MEGF11: variants seen among roughly 807,000 people sequenced by gnomAD.
MEGF11 encodes multiple epidermal growth factor-like domains protein 11.
A neutral mutation model predicts 146.6 loss-of-function variants in MEGF11; 126 were observed. That is an observed-to-expected ratio of 0.86 (90% CI 0.74 to 1.00). MEGF11 has a LOEUF of 1.00. Ranked by LOEUF, MEGF11 falls within the 50% of genes least tolerant of loss-of-function variation. MEGF11 has a pLI of 0.00. For missense variants in MEGF11, 1,509 were observed against 1,521.2 expected (o/e 0.99, Z 0.13); for synonymous variants, 532 against 583.4 (o/e 0.91, Z 1.27).
intron 5 of MEGF11, among the ~76,000 whole-genome samples, chr15:66,045,055 G>A (rs182375494): frequency 1.3e-5 from 2 of 152,170 alleles, no homozygotes; most frequent in East Asian, 3.9e-4. Flanking sequence ...GATAGTCTGG[G>A]TCCTGCTGCT....
rs2141299098 is a variant in MEGF11 at position 65,929,869 on chromosome 15, C to T, written c.1423G>A (p.Asp475Asn). The change falls in exon 12 of 26, where the codon GAC becomes AAC. Residue 475 changes from aspartate (D) to asparagine (N), a missense_variant. Coordinates refer to ENST00000395614, the MANE Select transcript of MEGF11 (RefSeq NM_001385028.1). ...CCACTGGGACATGGCAGGGTGCAGTCCAGGCCCTGCCACCCTGAGGGGAGG... is the reference window on the plus strand; with the variant it reads ...CCACTGGGACATGGCAGGGTGCAGTTCAGGCCCTGCCACCCTGAGGGGAGG... Reference protein sequence around the residue: ...CTCKEGWQGLDCTLPCPSGTW... With the variant: ...CTCKEGWQGLNCTLPCPSGTW... 1.3e-6 allele frequency: 2 copies of T among 1,597,550 alleles called. No homozygotes were observed. Among genetic ancestry groups the T allele is most frequent in the East Asian group, 4.5e-5 (2 of 44,006 alleles).
intron 1 of MEGF11, among the ~76,000 whole-genome samples, chr15:66,133,342 AG>A (rs1233081865): frequency 6.6e-6 from 1 of 152,218 alleles, no homozygotes; most frequent in East Asian, 1.9e-4. Context: ...CCTCATGAAA[AG>A]GCGCTTTCAG....
chr15:66,236,453 G>A (rs2092093835), intron 1 of MEGF11, among the ~76,000 whole-genome samples: 1 of 152,178 alleles, frequency 6.6e-6, no homozygotes, highest in Non-Finnish European at 1.5e-5. Context: ...CAGGCAAAAG[G>A]GAGAGAAGTC....
chr15:66,055,054 G>C (rs1460660263), intron 5 of MEGF11, among the ~76,000 whole-genome samples: 2 of 152,188 alleles, frequency 1.3e-5, no homozygotes, highest in Non-Finnish European at 2.9e-5. Flanking sequence ...GGGTGACTGG[G>C]TAGCCATCCC....
intron 5 of MEGF11, among the ~76,000 whole-genome samples, chr15:66,048,666 A>C (rs142226495): frequency 6.6e-6 from 1 of 152,080 alleles, no homozygotes; most frequent in South Asian, 2.1e-4. Context: ...CCTCCTGCCC[A>C]CCTTGCCACG....
chr15:65,966,377 TGCA>T (rs2141579338), intron 8 of MEGF11, among the ~76,000 whole-genome samples: 1 of 152,370 alleles, frequency 6.6e-6, no homozygotes, highest in South Asian at 2.1e-4. Flanking sequence ...TTTCATTCTT[TGCA>T]GCATATGAAA....
At chr15:66,090,123 T>G (rs1597072695) in intron 5 of MEGF11, among the ~76,000 whole-genome samples, 1 of 152,118 alleles carries the variant, frequency 6.6e-6, no homozygotes, top group Non-Finnish European at 1.5e-5. Flanking sequence ...GCTAGGGGCT[T>G]ATAAGTCAGT....
chr15:66,182,639 C>T (rs1329086388), intron 1 of MEGF11, among the ~76,000 whole-genome samples: 3 of 152,200 alleles, frequency 2.0e-5, no homozygotes, highest in Non-Finnish European at 2.9e-5. Flanking sequence ...GTCTCAGGGA[C>T]TCTGACTATC....
chr15:66,055,363 C>A (rs1228812840), intron 5 of MEGF11, among the ~76,000 whole-genome samples: 1 of 152,162 alleles, frequency 6.6e-6, no homozygotes, highest in Non-Finnish European at 1.5e-5. Context: ...TTATGCTCAC[C>A]CATTTTACAC....
At chr15:65,900,383 G>C (rs750902765) in intron 24 of MEGF11, among the ~76,000 whole-genome samples, 3 of 152,220 alleles carry the variant, frequency 2.0e-5, no homozygotes, top group Non-Finnish European at 4.4e-5. Context: ...CCTGAAAGCA[G>C]AACACTCCGT....
intron 5 of MEGF11, among the ~76,000 whole-genome samples, chr15:66,063,690 A>G (rs1482480449): frequency 6.6e-6 from 1 of 152,228 alleles, no homozygotes; most frequent in African/African-American, 2.4e-5. Flanking sequence ...GCCTTTCTTG[A>G]TTAACCCCCG....
At chr15:66,086,286 A>C (rs1268333140) in intron 5 of MEGF11, among the ~76,000 whole-genome samples, 2 of 152,258 alleles carry the variant, frequency 1.3e-5, no homozygotes, top group Non-Finnish European at 2.9e-5. Context: ...AGACCTAGAC[A>C]TCCAAGTACA....
chr15:66,169,731 G>A (rs1302981033), intron 1 of MEGF11, among the ~76,000 whole-genome samples: 1 of 152,204 alleles, frequency 6.6e-6, no homozygotes, highest in East Asian at 1.9e-4. Context: ...AGAAGGCATC[G>A]TAGACCAGGA....
chr15:66,119,849 G>A (rs983711932), intron 3 of MEGF11, among the ~76,000 whole-genome samples: 5 of 152,156 alleles, frequency 3.3e-5, no homozygotes, highest in Admixed American at 1.3e-4. Flanking sequence ...AGACATGTGG[G>A]TTCCAGACCT....
chr15:66,052,123 C>G (rs1233615159), intron 5 of MEGF11, among the ~76,000 whole-genome samples: 1 of 152,166 alleles, frequency 6.6e-6, no homozygotes, highest in Non-Finnish European at 1.5e-5. Context: ...CCCCACTTTC[C>G]CATTAACGCT....
intron 5 of MEGF11, among the ~76,000 whole-genome samples, chr15:66,081,021 C>G (rs2085829895): frequency 6.6e-6 from 1 of 152,234 alleles, no homozygotes; most frequent in African/African-American, 2.4e-5. Flanking sequence ...CGAGAGAGAG[C>G]TGAGGCCTCC....
chr15:66,094,699 C>A (rs1002864334), intron 4 of MEGF11, among the ~76,000 whole-genome samples: 1 of 152,180 alleles, frequency 6.6e-6, no homozygotes, highest in East Asian at 1.9e-4. Flanking sequence ...GAGTACATTT[C>A]ATCCCAGCTC....
At chr15:66,018,172 G>A (rs929968922) in intron 5 of MEGF11, among the ~76,000 whole-genome samples, 6 of 152,158 alleles carry the variant, frequency 3.9e-5, no homozygotes, top group African/African-American at 7.2e-5. Flanking sequence ...CCACAGAGCC[G>A]GGGAGTCTCC....
intron 2 of MEGF11, among the ~76,000 whole-genome samples, chr15:66,126,812 T>C (rs1285875028): frequency 6.6e-6 from 1 of 152,184 alleles, no homozygotes; most frequent in East Asian, 1.9e-4. Flanking sequence ...AAATAAAGGT[T>C]TAAATTCACC....
Sources: gnomAD v4.1 joint callset for allele counts (sites outside exome capture counted in the v4.1 genomes callset) on GRCh38, gnomAD v4.1.1 for gene constraint, MANE v1.5 for transcripts, NCBI Gene and HGNC (gene_info 2026-07-23, HGNC 2026-07-21) for gene names.